Variants in PRDM6 observed in about 807,000 individuals in gnomAD.
PRDM6 encodes putative histone-lysine N-methyltransferase PRDM6.
PRDM6 carries 25 observed loss-of-function variants against 60.8 expected under a neutral mutation model. The observed-to-expected ratio is 0.41, with a 90% confidence interval of 0.30 to 0.57. PRDM6 has a LOEUF of 0.57. Ranked by LOEUF, PRDM6 falls within the 20% of genes least tolerant of loss-of-function variation. The pLI, the probability that PRDM6 is intolerant of heterozygous loss-of-function variation, is 0.27. For synonymous variants in PRDM6, 407 were observed against 357.4 expected, an observed-to-expected ratio of 1.14 and a Z score of -1.57; for missense variants, 839 against 821.3, an observed-to-expected ratio of 1.02 and a Z score of -0.26.
intron 7 of PRDM6, among the ~76,000 whole-genome samples, chr5:123,183,946 C>G (rs193100): frequency 6.6e-6 from 1 of 152,044 alleles, no homozygotes; most frequent in East Asian, 1.9e-4. Flanking sequence ...AGGAGGGGTT[C>G]TTCATTATTG....
Position 123,122,667 on chromosome 5 carries a change from C to G in PRDM6, c.900+22706C>G, listed in dbSNP as rs1764607160. Among the ~76,000 whole-genome samples, 5 of 152,158 alleles carry G rather than the reference C, an allele frequency of 3.3e-5. No individual in the cohort carries two copies. In the South Asian group the frequency reaches 1.0e-3, roughly 32 times the overall value. ...TACATAGGATAATTGCTACAGAAAA[C>G]TGGGAAGAGGTTAAGCAGTAAGAAG... is the stretch of plus-strand genomic sequence containing the variant. On this transcript the variant is annotated intron_variant, in intron 3 of 7. Transcript: ENST00000407847.
At chr5:123,108,470 A>T (rs1764241990) in intron 3 of PRDM6, among the ~76,000 whole-genome samples, 1 of 152,182 alleles carries the variant, frequency 6.6e-6, no homozygotes, top group Non-Finnish European at 1.5e-5. Context: ...AGGTTAGAAT[A>T]CAATGCTTTT....
At chr5:123,180,782 A>G (rs1766137501) in intron 7 of PRDM6, among the ~76,000 whole-genome samples, 1 of 152,188 alleles carries the variant, frequency 6.6e-6, no homozygotes, top group Non-Finnish European at 1.5e-5. Context: ...TTCTGATGAA[A>G]TATATCCTCC....
At chr5:123,113,834 C>G (rs950082641) in intron 3 of PRDM6, among the ~76,000 whole-genome samples, 5 of 152,198 alleles carry the variant, frequency 3.3e-5, no homozygotes, top group African/African-American at 9.7e-5. Flanking sequence ...GGCTCAGGCC[C>G]TTGACATGGT....
In PRDM6 at chr5:123,189,110, T is replaced by C. The variant is rs995284009; in HGVS notation, c.*1909T>C. The C allele has an allele frequency of 2.0e-5, 3 of 152,178 alleles. No homozygotes were observed. The highest frequency in any genetic ancestry group is 6.5e-5 in the Admixed American group (1 of 15,268). The allele number at this position is 152,178 out of a possible 1,614,324, so 9.4% of individuals were successfully genotyped here. A position where few individuals can be genotyped will look rare whatever the true frequency, so the allele number is the denominator to read the frequency against. On this transcript the variant is annotated 3_prime_UTR_variant, in exon 8 of 8. Coordinates refer to ENST00000407847, the MANE Select transcript of PRDM6 (RefSeq NM_001136239.4). ...TAACAGTAGCTGATTGAAACTATTCTCTCTGGTAGTTAGGAATGTGTTCTG... is the reference window on the plus strand; with the variant it reads ...TAACAGTAGCTGATTGAAACTATTCCCTCTGGTAGTTAGGAATGTGTTCTG...
At chr5:123,094,117 G>C (rs544783842) in intron 2 of PRDM6, among the ~76,000 whole-genome samples, 1 of 152,122 alleles carries the variant, frequency 6.6e-6, no homozygotes, top group African/African-American at 2.4e-5. Context: ...AGGGAGAGGG[G>C]CTGGGGAGAG....
intron 3 of PRDM6, among the ~76,000 whole-genome samples, chr5:123,109,975 C>A (rs936712462): frequency 6.6e-5 from 10 of 152,166 alleles, no homozygotes; most frequent in African/African-American, 2.4e-4. Context: ...GTATTGTGAC[C>A]TGTCCATAAA....
rs757874709 is a variant in PRDM6, at chr5:123,090,542, C to T, written c.528C>T (p.Tyr176=). 1.4e-5 allele frequency: 21 copies of T among 1,522,496 alleles called. No individual in the cohort carries two copies. The South Asian group carries it at 1.6e-4, about 11-fold the overall frequency. 94.3% of individuals were successfully genotyped at this position (1,522,496 alleles called of 1,614,324 possible). Residue 176 remains tyrosine, a synonymous_variant, in exon 2 of 8, where the codon TAC becomes TAT. Transcript: ENST00000407847. The part of the protein sequence containing the change: ...FRCSAEELDY[Y]LYGQQRMEII... ...GCAGCGCAGAGGAGCTGGACTATTA[C>T]CTGTATGGCCAGCAGCGCATGGAGA...
intron 2 of PRDM6, among the ~76,000 whole-genome samples, chr5:123,098,123 G>A (rs924941351): frequency 6.6e-6 from 1 of 152,234 alleles, no homozygotes; most frequent in African/African-American, 2.4e-5. Context: ...AAGTTTCTTG[G>A]GCATTTCGGT....
At chr5:123,167,199 T>C (rs1246284085) in intron 5 of PRDM6, among the ~76,000 whole-genome samples, 1 of 151,112 alleles carries the variant, frequency 6.6e-6, no homozygotes, top group Non-Finnish European at 1.5e-5. Flanking sequence ...TCATATACAA[T>C]AGAGCATTGT....
intron 3 of PRDM6, among the ~76,000 whole-genome samples, chr5:123,151,862 C>T (rs921586053): frequency 1.3e-5 from 2 of 152,106 alleles, no homozygotes; most frequent in African/African-American, 4.8e-5. Flanking sequence ...CTCTCATCAA[C>T]CCCTCATTTT....
At chr5:123,137,001 G>C (rs1290122198) in intron 3 of PRDM6, among the ~76,000 whole-genome samples, 1 of 152,216 alleles carries the variant, frequency 6.6e-6, no homozygotes, top group East Asian at 1.9e-4. Context: ...TCTTGTGCAA[G>C]ACACTTCTTC....
intron 3 of PRDM6, among the ~76,000 whole-genome samples, chr5:123,151,697 T>C (rs1163678311): frequency 6.9e-6 from 1 of 145,308 alleles, no homozygotes; most frequent in Non-Finnish European, 1.5e-5. Flanking sequence ...GCAGAAGAGT[T>C]GGTGACTGAG....
intron 3 of PRDM6, among the ~76,000 whole-genome samples, chr5:123,107,156 T>C (rs1764214698): frequency 6.6e-6 from 1 of 152,240 alleles, no homozygotes; most frequent in Non-Finnish European, 1.5e-5. Context: ...TGATCATACG[T>C]ATATGCTTCA....
At chr5:123,116,764 A>G (rs1183616413) in intron 3 of PRDM6, among the ~76,000 whole-genome samples, 1 of 152,234 alleles carries the variant, frequency 6.6e-6, no homozygotes, top group African/African-American at 2.4e-5. Context: ...AAGTGAAAAA[A>G]TGACTTCAAA....
intron 5 of PRDM6, 70 bp downstream of exon 5, chr5:123,159,708 T>G: frequency 6.8e-7 from 1 of 1,463,928 alleles, no homozygotes; most frequent in Non-Finnish European, 9.3e-7. Flanking sequence ...TTTAAGAGCT[T>G]TTTTTGAAAC....
intron 3 of PRDM6, among the ~76,000 whole-genome samples, chr5:123,122,389 A>G (rs991099330): frequency 4.6e-5 from 7 of 152,138 alleles, no homozygotes; most frequent in Non-Finnish European, 1.0e-4. Flanking sequence ...ATTACCATCT[A>G]GTTCCCTAGT....
intron 3 of PRDM6, among the ~76,000 whole-genome samples, chr5:123,115,456 G>A (rs1764414179): frequency 6.6e-6 from 1 of 152,088 alleles, no homozygotes; most frequent in Admixed American, 6.6e-5. Context: ...ATACACATGG[G>A]CACACGTTCA....
rs1184789818 is a variant in PRDM6, at chr5:123,106,473, TGTTACA to T, written c.900+6515_900+6520del. Among the ~76,000 whole-genome samples, 6 of 152,156 alleles carry T rather than the reference TGTTACA, an allele frequency of 3.9e-5. No individual in the cohort carries two copies. The South Asian group carries it at 1.2e-3, about 32-fold the overall frequency. On this transcript the variant is annotated intron_variant, in intron 3 of 7. Transcript: ENST00000407847. ...ACAAAAAAGAGAGAGAGAGGAAAAC[TGTTACA>T]GTACGAGGCTGTCAGAACTGGGGGA...
Sources: gnomAD v4.1 joint callset for allele counts (sites outside exome capture counted in the v4.1 genomes callset) on GRCh38, gnomAD v4.1.1 for gene constraint, MANE v1.5 for transcripts, NCBI Gene and HGNC (gene_info 2026-07-23, HGNC 2026-07-21) for gene names.